CDH4: variants seen among roughly 807,000 people sequenced by gnomAD.
The protein encoded by CDH4 is cadherin 4.
In CDH4, 33 loss-of-function variants were observed where a neutral mutation model predicts 86.0. The ratio of observed to expected loss-of-function variants is 0.38; its 90% CI spans 0.29 to 0.51. The LOEUF (loss-of-function observed/expected upper bound fraction) is 0.51, where lower values mean the gene tolerates loss of function less well. Ranked by LOEUF, CDH4 falls within the 20% of genes least tolerant of loss-of-function variation. The pLI is 0.86. For synonymous variants in CDH4, 555 were observed against 549.4 expected, an observed-to-expected ratio of 1.01 and a Z score of -0.14; for missense variants, 1,114 against 1,307.4, an observed-to-expected ratio of 0.85 and a Z score of 2.28.
chr20:61,802,551 A>T (rs148230444), intron 4 of CDH4, among the ~76,000 whole-genome samples: 1 of 149,454 alleles, frequency 6.7e-6, no homozygotes, highest in Admixed American at 6.6e-5. Context: ...TTACTTGGGG[A>T]AAAAAAAAAC....
intron 2 of CDH4, among the ~76,000 whole-genome samples, chr20:61,650,033 G>A (rs1313787868): frequency 6.6e-6 from 1 of 152,186 alleles, no homozygotes; most frequent in Non-Finnish European, 1.5e-5. Context: ...CCACTCTCCT[G>A]GGCACATTTC....
At chr20:61,440,955 T>C (rs1471460588) in intron 2 of CDH4, among the ~76,000 whole-genome samples, 1 of 152,186 alleles carries the variant, frequency 6.6e-6, no homozygotes, top group Non-Finnish European at 1.5e-5. Context: ...CTCAGAAAAG[T>C]GTCAAAACAG....
chr20:61,842,187 C>T (rs144199719), intron 4 of CDH4, among the ~76,000 whole-genome samples: 109 of 152,260 alleles, frequency 7.2e-4, no homozygotes, highest in Non-Finnish European at 1.2e-3. Flanking sequence ...AGGTGCCTGG[C>T]GAGAAGCCAG....
At chr20:61,658,506 G>A (rs887073564) in intron 2 of CDH4, among the ~76,000 whole-genome samples, 1 of 152,174 alleles carries the variant, frequency 6.6e-6, no homozygotes, top group Admixed American at 6.5e-5. Flanking sequence ...AGTGTCCAGG[G>A]TAGGACCCCG....
chr20:61,493,553 G>A (rs1394009420), intron 2 of CDH4, among the ~76,000 whole-genome samples: 2 of 152,242 alleles, frequency 1.3e-5, no homozygotes, highest in Non-Finnish European at 2.9e-5. Context: ...CTTCACAATG[G>A]CTGGTGGCTG....
rs181386177 is a variant in CDH4 at position 61,754,656 on chromosome 20, G to A, written c.396+10867G>A. Among the ~76,000 whole-genome samples, 11 of 119,602 alleles carry A rather than the reference G, an allele frequency of 9.2e-5. No individual in the cohort carries two copies. Among genetic ancestry groups the A allele is most frequent in the African/African-American group, 3.2e-4 (10 of 30,934 alleles). 78.5% of individuals were successfully genotyped at this position (119,602 alleles called of 152,430 possible). On this transcript the variant is annotated intron_variant, in intron 3 of 15. Transcript: ENST00000614565. The surrounding 1 kb of genome is among the most constrained non-coding windows in gnomAD (Gnocchi z 4.7). ...CACACACACGCCCCACACACCACAC[G>A]CACACACGCCCCGCACACACTATGC...
intron 2 of CDH4, among the ~76,000 whole-genome samples, chr20:61,457,429 A>G (rs954935256): frequency 6.6e-6 from 1 of 152,230 alleles, no homozygotes; most frequent in African/African-American, 2.4e-5. Context: ...CTCCCAAAGC[A>G]GGTGAAATTT....
chr20:61,722,706 A>C (rs1342758222), intron 2 of CDH4, among the ~76,000 whole-genome samples: 1 of 151,722 alleles, frequency 6.6e-6, no homozygotes, highest in Non-Finnish European at 1.5e-5. Context: ...TCAAGTGACA[A>C]GATCTGGGAG....
At chr20:61,447,149 TTTTG>T (rs1362248518) in intron 2 of CDH4, among the ~76,000 whole-genome samples, 1 of 152,082 alleles carries the variant, frequency 6.6e-6, no homozygotes, top group African/African-American at 2.4e-5. Context: ...TCATGGTGTT[TTTTG>T]TTTGTTTGCT....
At chr20:61,329,138 T>G (rs1162149208) in intron 2 of CDH4, among the ~76,000 whole-genome samples, 1 of 152,252 alleles carries the variant, frequency 6.6e-6, no homozygotes, top group Non-Finnish European at 1.5e-5. Context: ...CGAGGATGGT[T>G]TGTACTGAAC....
chr20:61,868,064 A>G (rs1237120668), intron 6 of CDH4, among the ~76,000 whole-genome samples: 3 of 152,264 alleles, frequency 2.0e-5, no homozygotes, highest in Non-Finnish European at 2.9e-5. Flanking sequence ...CCCCTGATCA[A>G]TATCCGATTA....
chr20:61,313,571 T>C (rs973105021), intron 2 of CDH4, among the ~76,000 whole-genome samples: 1 of 152,220 alleles, frequency 6.6e-6, no homozygotes, highest in African/African-American at 2.4e-5. Flanking sequence ...GATCAGACGG[T>C]TGCTTGCAGC....
chr20:61,733,536 G>C (rs916761974), intron 2 of CDH4, among the ~76,000 whole-genome samples: 1 of 152,070 alleles, frequency 6.6e-6, no homozygotes, highest in Non-Finnish European at 1.5e-5. Context: ...GACTTTGTTC[G>C]TGGGCCGGCT....
At chr20:61,330,347 G>A (rs1032654913) in intron 2 of CDH4, among the ~76,000 whole-genome samples, 1 of 152,192 alleles carries the variant, frequency 6.6e-6, no homozygotes, top group Admixed American at 6.5e-5. Context: ...GTGTAAAAGT[G>A]TACCTGATTC....
At chr20:61,857,838 C>T (rs73143165) in intron 6 of CDH4, among the ~76,000 whole-genome samples, 23,532 of 152,234 alleles carry the variant, frequency 0.15, 2,016 homozygotes, top group East Asian at 0.29. Context: ...CCGGCCACAG[C>T]CCCTACTAGG....
At chr20:61,788,144 T>C (rs952672579) in intron 4 of CDH4, among the ~76,000 whole-genome samples, 19 of 152,308 alleles carry the variant, frequency 1.2e-4, no homozygotes, top group Admixed American at 1.1e-3. Context: ...GGGTGTTGTT[T>C]TAATGTCCCG....
chr20:61,878,063 C>G (rs1165784811), intron 7 of CDH4, among the ~76,000 whole-genome samples: 2 of 152,062 alleles, frequency 1.3e-5, no homozygotes, highest in African/African-American at 2.4e-5. Context: ...ACAACAGGCC[C>G]TGGCCTGCGT....
At chr20:61,322,113 G>A (rs2084511992) in intron 2 of CDH4, among the ~76,000 whole-genome samples, 2 of 152,056 alleles carry the variant, frequency 1.3e-5, no homozygotes, top group South Asian at 2.1e-4. Flanking sequence ...CAGTTCTTCC[G>A]GGTCCTTGTA....
At chr20:61,325,558 G>T (rs1327145512) in intron 2 of CDH4, among the ~76,000 whole-genome samples, 1 of 151,600 alleles carries the variant, frequency 6.6e-6, no homozygotes. Flanking sequence ...TCAGGTGGGG[G>T]TCTGTGGGGC....
Sources: allele counts gnomAD v4.1 joint callset (sites outside exome capture counted in the v4.1 genomes callset), GRCh38; gene constraint gnomAD v4.1.1; non-coding constraint Gnocchi (gnomAD v3.1); transcripts MANE v1.5; gene names NCBI Gene and HGNC (gene_info 2026-07-23, HGNC 2026-07-21).